Variants in PIP4K2A observed in about 807,000 individuals in gnomAD.
PIP4K2A encodes the protein phosphatidylinositol-5-phosphate 4-kinase type 2 alpha.
A neutral mutation model predicts 42.9 loss-of-function variants in PIP4K2A; 14 were observed. The observed-to-expected ratio is 0.33, with a 90% confidence interval of 0.22 to 0.51. The LOEUF (loss-of-function observed/expected upper bound fraction) is 0.51. PIP4K2A is among the 20% of genes least tolerant of loss of function. The pLI is 0.97. For synonymous variants in PIP4K2A, 192 were observed against 192.2 expected (o/e 1.00, Z 0.01); for missense variants, 434 against 519.8 (o/e 0.83, Z 1.61).
intron 1 of PIP4K2A, among the ~76,000 whole-genome samples, chr10:22,618,408 A>G (rs1399514985): frequency 2.0e-5 from 3 of 152,172 alleles, no homozygotes; most frequent in Non-Finnish European, 4.4e-5. Flanking sequence ...TAGGACTATT[A>G]AGAGATAAGA....
At chr10:22,653,045 G>C (rs1184116551) in intron 1 of PIP4K2A, among the ~76,000 whole-genome samples, 1 of 152,112 alleles carries the variant, frequency 6.6e-6, no homozygotes, top group Admixed American at 6.5e-5. Context: ...AGTGAGCTAT[G>C]ATGGTGCTGC....
intron 1 of PIP4K2A, among the ~76,000 whole-genome samples, chr10:22,621,927 T>C (rs1838339383): frequency 6.6e-6 from 1 of 152,316 alleles, no homozygotes; most frequent in East Asian, 1.9e-4. Context: ...CTGCCCAGCA[T>C]CCATCCTGAA....
At chr10:22,668,548 G>A (rs1839393050) in intron 1 of PIP4K2A, among the ~76,000 whole-genome samples, 1 of 152,046 alleles carries the variant, frequency 6.6e-6, no homozygotes, top group Admixed American at 6.6e-5. Flanking sequence ...CATACAATTG[G>A]GCTGTATTTC....
At chr10:22,644,468 A>G (rs1838840578) in intron 1 of PIP4K2A, among the ~76,000 whole-genome samples, 4 of 152,114 alleles carry the variant, frequency 2.6e-5, no homozygotes. Context: ...CAACTCCTCT[A>G]CAAGTCCTCA....
chr10:22,661,526 T>C (rs1029631418), intron 1 of PIP4K2A, among the ~76,000 whole-genome samples: 3 of 152,140 alleles, frequency 2.0e-5, no homozygotes, highest in Non-Finnish European at 2.9e-5. Flanking sequence ...AGGCTAAGTT[T>C]TAAAAAAAAT....
intron 1 of PIP4K2A, among the ~76,000 whole-genome samples, chr10:22,680,189 T>C (rs1839632426): frequency 6.6e-6 from 1 of 152,140 alleles, no homozygotes; most frequent in South Asian, 2.1e-4. Flanking sequence ...TAAATCCACT[T>C]AAATGGGCTG....
chr10:22,558,170 G>A (rs544696877), intron 6 of PIP4K2A, among the ~76,000 whole-genome samples: 5 of 152,250 alleles, frequency 3.3e-5, no homozygotes, highest in African/African-American at 1.2e-4. Context: ...TAAAAAATAC[G>A]TAGTAATTAT....
chr10:22,647,431 G>A (rs1838907801), intron 1 of PIP4K2A, among the ~76,000 whole-genome samples: 1 of 152,092 alleles, frequency 6.6e-6, no homozygotes, highest in African/African-American at 2.4e-5. Flanking sequence ...GGAGGAGGCA[G>A]GGAAGCAGAT....
intron 9 of PIP4K2A, among the ~76,000 whole-genome samples, chr10:22,538,080 A>C (rs1346784549): frequency 6.6e-6 from 1 of 152,198 alleles, no homozygotes; most frequent in Non-Finnish European, 1.5e-5. Flanking sequence ...TGAGCTGCAA[A>C]GGGCAAGCAC....
chr10:22,593,796 G>A (rs1339370161), intron 3 of PIP4K2A, among the ~76,000 whole-genome samples: 1 of 152,240 alleles, frequency 6.6e-6, no homozygotes, highest in East Asian at 1.9e-4. Flanking sequence ...GCCAGGTGGA[G>A]CAGACCAAGT....
At chr10:22,632,626 C>T (rs1032877681) in intron 1 of PIP4K2A, among the ~76,000 whole-genome samples, 11 of 152,164 alleles carry the variant, frequency 7.2e-5, no homozygotes, top group African/African-American at 1.2e-4. Flanking sequence ...GCATGACCTC[C>T]GGTGTAGGCC....
intron 1 of PIP4K2A, among the ~76,000 whole-genome samples, chr10:22,657,030 A>G (rs1433348507): frequency 2.6e-5 from 4 of 152,166 alleles, no homozygotes; most frequent in Admixed American, 2.6e-4. Context: ...CCAGTTCCCA[A>G]CGGGGCCAAG....
At chr10:22,705,174 A>G (rs955288050) in intron 1 of PIP4K2A, among the ~76,000 whole-genome samples, 16 of 152,026 alleles carry the variant, frequency 1.1e-4, no homozygotes, top group African/African-American at 3.4e-4. Flanking sequence ...GAGAGTGGAG[A>G]ACATATTAAA....
At chr10:22,614,348 A>G (rs930242633) in intron 1 of PIP4K2A, among the ~76,000 whole-genome samples, 13 of 152,228 alleles carry the variant, frequency 8.5e-5, no homozygotes, top group Non-Finnish European at 1.8e-4. Flanking sequence ...GCAGATTGTA[A>G]TATGTCCTGG....
At chr10:22,708,655 G>T (rs1044401759) in intron 1 of PIP4K2A, among the ~76,000 whole-genome samples, 2 of 152,124 alleles carry the variant, frequency 1.3e-5, no homozygotes, top group African/African-American at 4.8e-5. Flanking sequence ...ATCCTTAGTG[G>T]TAAAGTTCTT....
At chr10:22,627,124 A>G (rs1193943627) in intron 1 of PIP4K2A, among the ~76,000 whole-genome samples, 2 of 152,224 alleles carry the variant, frequency 1.3e-5, no homozygotes, top group East Asian at 3.9e-4. Context: ...AGAGAATTAG[A>G]CGTCAGAGAA....
intron 9 of PIP4K2A, chr10:22,539,759 C>G: frequency 1.8e-6 from 1 of 570,702 alleles, no homozygotes. Flanking sequence ...GGTTCTGTAT[C>G]TTACGCTCAG....
chr10:22,573,199 T>A lies in PIP4K2A; in HGVS notation c.639+112A>T. On this transcript the variant is annotated intron_variant, in intron 5 of 9. Coordinates refer to ENST00000376573, the MANE Select transcript of PIP4K2A (RefSeq NM_005028.5). ...AAGGAATACACTGCTACTTGTCTGG[T>A]AGCTTTAAGTGCTGAGCGGCTCCTA... 7.5e-6 allele frequency: 7 copies of A among 927,994 alleles called. 1 individual carries two copies. Among genetic ancestry groups the A allele is most frequent in the Non-Finnish European group, 1.2e-5 (7 of 599,586 alleles). The allele number at this position is 927,994 out of a possible 1,614,324, so 57.5% of individuals were successfully genotyped here.
intron 1 of PIP4K2A, among the ~76,000 whole-genome samples, chr10:22,637,270 T>A (rs1838686707): frequency 6.6e-6 from 1 of 152,208 alleles, no homozygotes; most frequent in East Asian, 1.9e-4. Context: ...CAAACCGTTA[T>A]ATCCTCATCT....
Sources: allele counts gnomAD v4.1 joint callset (sites outside exome capture counted in the v4.1 genomes callset), GRCh38; gene constraint gnomAD v4.1.1; transcripts MANE v1.5; gene names NCBI Gene and HGNC (gene_info 2026-07-23, HGNC 2026-07-21).